The following VWA8 variants were observed in gnomAD, a reference collection of about 807,000 sequenced individuals.
The protein encoded by VWA8 is von Willebrand factor A domain-containing protein 8.
A neutral mutation model predicts 241.5 loss-of-function variants in VWA8; 221 were observed. The ratio of observed to expected loss-of-function variants is 0.91; its 90% confidence interval spans 0.82 to 1.02. VWA8 has a LOEUF of 1.02. Ranked by LOEUF, VWA8 falls within the 50% of genes least tolerant of loss-of-function variation. VWA8 has a pLI of 0.00. For missense variants in VWA8, 2,322 were observed against 2,328.7 expected (o/e 1.00, Z 0.06); for synonymous variants, 852 against 827.1 (o/e 1.03, Z -0.52).
intron 37 of VWA8, among the ~76,000 whole-genome samples, chr13:41,623,811 C>T (rs976940441): frequency 1.3e-5 from 2 of 152,076 alleles, no homozygotes; most frequent in African/African-American, 4.8e-5. Context: ...ATGATACAGG[C>T]TATGATAAGG....
intron 37 of VWA8, among the ~76,000 whole-genome samples, chr13:41,662,888 G>A (rs372515763): frequency 3.8e-4 from 57 of 151,954 alleles, no homozygotes; most frequent in African/African-American, 1.3e-3. Flanking sequence ...GCCCTTTATC[G>A]GGTTGAGAAA....
At chr13:41,917,167 T>A (rs1876299494) in intron 2 of VWA8, among the ~76,000 whole-genome samples, 2 of 152,176 alleles carry the variant, frequency 1.3e-5, no homozygotes, top group Non-Finnish European at 2.9e-5. Flanking sequence ...TCTCCCTTCA[T>A]GAACTCAAAT....
chr13:41,858,104 C>G (rs7998846), intron 12 of VWA8, among the ~76,000 whole-genome samples: 35,825 of 152,054 alleles, frequency 0.24, 4,994 homozygotes, highest in Non-Finnish European at 0.3. Context: ...TTTCCTGGCT[C>G]TCCAGCTTGC....
intron 2 of VWA8, among the ~76,000 whole-genome samples, chr13:41,948,855 A>G (rs965496202): frequency 6.6e-6 from 1 of 152,142 alleles, no homozygotes; most frequent in Non-Finnish European, 1.5e-5. Context: ...AAACTGTGGT[A>G]TGTTTATACA....
chr13:41,743,789 T>C (rs769551138), intron 21 of VWA8, among the ~76,000 whole-genome samples: 4 of 152,238 alleles, frequency 2.6e-5, no homozygotes, highest in African/African-American at 4.8e-5. Flanking sequence ...AGCTTCATGA[T>C]AGCAGTGACC....
In VWA8 at chr13:41,886,239, G is replaced by T. The variant is rs185649813; in HGVS notation, c.867-211C>A. Among the ~76,000 whole-genome samples the T allele has an allele frequency of 4.1e-3, 622 of 152,160 alleles. 3 individuals carry two copies. The highest frequency in any genetic ancestry group is 7.1e-3 in the Non-Finnish European group (483 of 67,984). On this transcript the variant is annotated intron_variant, in intron 7 of 44. Coordinates refer to ENST00000379310, the MANE Select transcript of VWA8 (RefSeq NM_015058.2). ...TTCCTAAATTCATCACAATATTTGA[G>T]GTTTTTCACCACCTGGTCCAAATCT...
intron 26 of VWA8, among the ~76,000 whole-genome samples, chr13:41,711,633 G>A (rs970939008): frequency 1.3e-5 from 2 of 152,174 alleles, no homozygotes; most frequent in African/African-American, 2.4e-5. Flanking sequence ...CCAGCACTTT[G>A]GGAGGCCAAG....
intron 12 of VWA8, among the ~76,000 whole-genome samples, chr13:41,847,673 A>C (rs1457846211): frequency 6.6e-6 from 1 of 152,200 alleles, no homozygotes; most frequent in African/African-American, 2.4e-5. Context: ...GGACACTGGA[A>C]GTTTTTCAAA....
At chr13:41,569,903 G>A (rs965372310) in intron 44 of VWA8, among the ~76,000 whole-genome samples, 3 of 151,902 alleles carry the variant, frequency 2.0e-5, no homozygotes, top group African/African-American at 7.3e-5. Flanking sequence ...ATCTTATGTT[G>A]TCGCCAAGTG....
intron 21 of VWA8, among the ~76,000 whole-genome samples, chr13:41,757,487 T>C (rs552008853): frequency 6.6e-6 from 1 of 151,818 alleles, no homozygotes; most frequent in East Asian, 1.9e-4. Flanking sequence ...TGCAGGTTTG[T>C]TACATGGCTA....
Position 41,605,318 on chromosome 13 carries a change from G to A in VWA8, c.4878-42C>T, listed in dbSNP as rs775325358. On this transcript the variant is annotated intron_variant, in intron 39 of 44. Coordinates refer to ENST00000379310, the MANE Select transcript of VWA8 (RefSeq NM_015058.2). ...ATAAAAAGTTAACAGCTTAAATCACGTATATGTGGGTTTTTACTTCCATTC... is the reference window on the plus strand; with the variant it reads ...ATAAAAAGTTAACAGCTTAAATCACATATATGTGGGTTTTTACTTCCATTC... 43 of 1,587,058 alleles carry A rather than the reference G, an allele frequency of 2.7e-5. 1 individual carries two copies. In the South Asian group the frequency reaches 3.9e-4, roughly 14 times the overall value.
At chr13:41,740,337 T>C (rs939631519) in intron 21 of VWA8, among the ~76,000 whole-genome samples, 4 of 152,228 alleles carry the variant, frequency 2.6e-5, no homozygotes, top group Admixed American at 2.0e-4. Context: ...CATAGTGATA[T>C]AGATTTTGAA....
chr13:41,937,817 G>A (rs1413433902), intron 2 of VWA8, among the ~76,000 whole-genome samples: 2 of 152,066 alleles, frequency 1.3e-5, no homozygotes, highest in African/African-American at 4.8e-5. Flanking sequence ...TTATACATCT[G>A]CAATGAAAGT....
intron 3 of VWA8, among the ~76,000 whole-genome samples, chr13:41,907,897 C>T (rs1455336765): frequency 1.3e-5 from 2 of 152,134 alleles, no homozygotes. Context: ...CTCCTCAGAG[C>T]TCTTCTTCTA....
At chr13:41,740,321 C>G (rs1439926790) in intron 21 of VWA8, among the ~76,000 whole-genome samples, 2 of 152,178 alleles carry the variant, frequency 1.3e-5, no homozygotes, top group South Asian at 2.1e-4. Context: ...CTCTCTAGCC[C>G]TATGTCATAG....
At chr13:41,805,042 G>T (rs1371337923) in intron 17 of VWA8, among the ~76,000 whole-genome samples, 1 of 151,974 alleles carries the variant, frequency 6.6e-6, no homozygotes, top group Non-Finnish European at 1.5e-5. Flanking sequence ...CAACAAAATG[G>T]CAAGAATAAT....
intron 24 of VWA8, among the ~76,000 whole-genome samples, chr13:41,724,418 T>A (rs1030577117): frequency 6.6e-6 from 1 of 151,948 alleles, no homozygotes; most frequent in Non-Finnish European, 1.5e-5. Flanking sequence ...TGATTGCAGA[T>A]GGGAATAATG....
At position 41,711,629 on chromosome 13, in the gene VWA8, C is replaced by T. The variant is rs568778941; in HGVS notation, c.3116+7962G>A. ...GTGGCTCATGCCTGTAATCCCAGCA[C>T]TTTGGGAGGCCAAGGCGGGCAGATC... is the stretch of plus-strand genomic sequence containing the variant. On this transcript the variant is annotated intron_variant, in intron 26 of 44. Transcript: ENST00000379310. Among the ~76,000 whole-genome samples, 35 of 152,296 alleles carry T rather than the reference C, an allele frequency of 2.3e-4. No individual in the cohort carries two copies. In the East Asian group the frequency reaches 6.4e-3, roughly 28 times the overall value.
chr13:41,885,882 A>T (rs551361679), intron 8 of VWA8, 38 bp downstream of exon 8: 2 of 1,437,616 alleles, frequency 1.4e-6, no homozygotes, highest in African/African-American at 2.9e-5. Flanking sequence ...AATTTTTAAC[A>T]TATTTGGGTA....
Sources: allele counts gnomAD v4.1 joint callset (sites outside exome capture counted in the v4.1 genomes callset), GRCh38; gene constraint gnomAD v4.1.1; transcripts MANE v1.5; gene names NCBI Gene and HGNC (gene_info 2026-07-23, HGNC 2026-07-21).